TLE3: variants seen among roughly 807,000 people sequenced by gnomAD.
TLE3 encodes transducin-like enhancer protein 3.
A neutral mutation model predicts 93.0 loss-of-function variants in TLE3; 14 were observed. That is an observed-to-expected ratio of 0.15 (90% CI 0.10 to 0.24). The LOEUF is 0.24. Among genes scored for constraint, TLE3 ranks in the 10% least tolerant of loss-of-function variants. TLE3 has a pLI of 1.00. For missense variants in TLE3, 693 were observed against 1,046.6 expected, an observed-to-expected ratio of 0.66 and a Z score of 4.66; for synonymous variants, 451 against 425.0, an observed-to-expected ratio of 1.06 and a Z score of -0.75.
chr15:70,069,954 G>C (rs1447623123), intron 6 of TLE3, among the ~76,000 whole-genome samples: 1 of 152,266 alleles, frequency 6.6e-6, no homozygotes, highest in Non-Finnish European at 1.5e-5. Context: ...ATGTCTGAGT[G>C]GGAGGCTGAT....
rs75932149 is a variant in TLE3, at chr15:70,096,036, G to A, written c.125+125C>T. 4,791 of 1,113,048 alleles carry A rather than the reference G, an allele frequency of 4.3e-3. 165 individuals carry two copies. In the African/African-American group the frequency reaches 0.067, roughly 15 times the overall value. 68.9% of individuals were successfully genotyped at this position (1,113,048 alleles called of 1,614,324 possible). A position where few individuals can be genotyped will look rare whatever the true frequency, so the allele number is the denominator to read the frequency against. On this transcript the variant is annotated intron_variant, in intron 2 of 19. Coordinates refer to ENST00000451782, the MANE Select transcript of TLE3 (RefSeq NM_001105192.3). ...CGCTCGGAAAGGGGAAACAAAAGGC[G>A]GAGGCCCGGGCTGCCCCGCCGCCCC... is the stretch of plus-strand genomic sequence containing the variant.
chr15:70,067,605 G>A (rs563507053), intron 6 of TLE3, among the ~76,000 whole-genome samples: 74 of 152,292 alleles, frequency 4.9e-4, no homozygotes, highest in Middle Eastern at 3.4e-3. Context: ...AAGGGAGCTC[G>A]CCTGTCAATA....
At chr15:70,081,733 T>C (rs1327334552) in intron 4 of TLE3, among the ~76,000 whole-genome samples, 1 of 152,238 alleles carries the variant, frequency 6.6e-6, no homozygotes, top group Non-Finnish European at 1.5e-5. Context: ...CAGGGCAGTG[T>C]CATGCAAAGA....
At position 70,054,457 on chromosome 15, in the gene TLE3, G is replaced by T; in HGVS notation, c.1807C>A (p.His603Asn). ...SDGNIAVWDLHNQTLVRQFQG... is the reference protein window; with the variant it reads ...SDGNIAVWDLNNQTLVRQFQG... ...GCTCACCTGACCAGGGTCTGGTTGT[G>T]CAGGTCCCAGACAGCAATGTTCCCA... Residue 603 changes from histidine (H) to asparagine (N), a missense_variant, in exon 16 of 20, where the codon CAC becomes AAC. By Grantham distance (68) the His-to-Asn change is moderately conservative. Coordinates refer to ENST00000451782, the MANE Select transcript of TLE3 (RefSeq NM_001105192.3). The T allele has an allele frequency of 6.2e-7, 1 of 1,613,838 alleles. No individual in the cohort carries two copies.
intron 3 of TLE3, chr15:70,095,328 G>GA (rs1279846584): frequency 2.0e-5 from 28 of 1,408,804 alleles, no homozygotes; most frequent in Non-Finnish European, 2.5e-5. Flanking sequence ...GGCACATAAA[G>GA]ATAGTACAGA....
At chr15:70,069,905 G>A (rs539924805) in intron 6 of TLE3, among the ~76,000 whole-genome samples, 21 of 152,386 alleles carry the variant, frequency 1.4e-4, no homozygotes, top group African/African-American at 4.8e-4. Flanking sequence ...CCTGCAACAC[G>A]TCTGCTGGCT....
intron 1 of TLE3, 96 bp downstream of exon 1, chr15:70,096,679 T>A: frequency 6.4e-7 from 1 of 1,564,240 alleles, no homozygotes; most frequent in Non-Finnish European, 8.7e-7. Flanking sequence ...ACACACACCA[T>A]AAAGGTAGCA....
chr15:70,079,259 G>C (rs1016789080), intron 4 of TLE3: 6 of 415,770 alleles, frequency 1.4e-5, no homozygotes, highest in African/African-American at 1.3e-4. Context: ...CAAGCCTGGG[G>C]TAGTGGCATT....
At chr15:70,054,959 G>A (rs1412514550) in intron 15 of TLE3, 90 bp downstream of exon 15, 2 of 1,480,514 alleles carry the variant, frequency 1.4e-6, no homozygotes. Context: ...ATACGATGCT[G>A]AGCCAGGCCC....
At chr15:70,076,578 T>C (rs2057456596) in intron 4 of TLE3, among the ~76,000 whole-genome samples, 1 of 152,150 alleles carries the variant, frequency 6.6e-6, no homozygotes, top group Non-Finnish European at 1.5e-5. Context: ...CAATAGGACA[T>C]GAGCTCTCAG....
intron 4 of TLE3, among the ~76,000 whole-genome samples, chr15:70,083,901 T>C (rs1473345558): frequency 6.6e-6 from 1 of 152,126 alleles, no homozygotes; most frequent in Non-Finnish European, 1.5e-5. Context: ...TCTATCTACC[T>C]ACCATCTTAT....
rs553513242 is a variant in TLE3, at chr15:70,079,977, T to A, written c.235-3819A>T. Among the ~76,000 whole-genome samples the A allele has an allele frequency of 2.0e-5, 3 of 150,918 alleles. No homozygotes were observed. The East Asian group carries it at 5.9e-4, about 30-fold the overall frequency. On this transcript the variant is annotated intron_variant, in intron 4 of 19. Coordinates refer to ENST00000451782, the MANE Select transcript of TLE3 (RefSeq NM_001105192.3). ...AAAGAAAAACCACCATTAAGGTTAA[T>A]AATTGACAGCACTTCTGATTAGAAC...
chr15:70,096,087 G>C (rs1258036511), intron 2 of TLE3, 74 bp downstream of exon 2: 4 of 1,477,742 alleles, frequency 2.7e-6, no homozygotes, highest in Non-Finnish European at 3.6e-6. Context: ...CTCCGTCCCC[G>C]CGGGGGATGG....
At position 70,050,038 on chromosome 15, in the gene TLE3, T is replaced by C; in HGVS notation, c.*59A>G. On this transcript the variant is annotated 3_prime_UTR_variant, in exon 20 of 20. Coordinates refer to ENST00000451782, the MANE Select transcript of TLE3 (RefSeq NM_001105192.3). ...CCTCGGGGCCCCTCGCCTGGGGGTC[T>C]CCCTGTCAGAGCCGAGTCGGTTTCT... The C allele has an allele frequency of 6.7e-7, 1 of 1,489,752 alleles. No homozygotes were observed. Among genetic ancestry groups the C allele is most frequent in the Non-Finnish European group, 9.4e-7 (1 of 1,068,884 alleles). 92.3% of individuals were successfully genotyped at this position (1,489,752 alleles called of 1,614,324 possible).
chr15:70,084,716 C>T (rs899162431), intron 4 of TLE3, among the ~76,000 whole-genome samples: 3 of 150,708 alleles, frequency 2.0e-5, no homozygotes, highest in East Asian at 2.0e-4. Context: ...CTATCTGATG[C>T]GTGGCGCCCA....
chr15:70,084,828 G>A (rs2057967463), intron 4 of TLE3, among the ~76,000 whole-genome samples: 1 of 152,198 alleles, frequency 6.6e-6, no homozygotes, highest in East Asian at 1.9e-4. Context: ...TGTCCTCTAT[G>A]TCTGAGGCCT....
rs138064829 is a variant in TLE3, at chr15:70,079,853, G to A, written c.235-3695C>T. ...TTGTCAACATCTCCACTTTTCAGAT[G>A]GGGAAACTGATGCCCAGCCATTAAG... On this transcript the variant is annotated intron_variant, in intron 4 of 19. Coordinates refer to ENST00000451782, the MANE Select transcript of TLE3 (RefSeq NM_001105192.3). 2.0e-4 allele frequency among the ~76,000 whole-genome samples: 30 copies of A among 152,030 alleles called. No homozygotes were observed. The East Asian group carries it at 5.3e-3, about 27-fold the overall frequency.
chr15:70,055,256 G>C lies in TLE3; in HGVS notation c.1371C>G (p.Pro457=), dbSNP rs200517303. Residue 457 remains proline, a synonymous_variant, in exon 15 of 20, where the codon CCC becomes CCG. Coordinates refer to ENST00000451782, the MANE Select transcript of TLE3 (RefSeq NM_001105192.3). ...CCAGGGCGTCGTGGGGGAAGGGCAC[G>C]GGCTGCATCTGCCCATCAGCACTCA... ...FHVSADGQMQ[P]VPFPHDALAG... The C allele has an allele frequency of 1.2e-6, 2 of 1,606,924 alleles. No homozygotes were observed. Among genetic ancestry groups the C allele is most frequent in the Non-Finnish European group, 1.7e-6 (2 of 1,176,964 alleles).
intron 8 of TLE3, among the ~76,000 whole-genome samples, chr15:70,062,427 G>GT (rs2056551485): frequency 6.6e-6 from 1 of 152,212 alleles, no homozygotes; most frequent in African/African-American, 2.4e-5. Context: ...TCGCGACCCG[G>GT]TGCTCGGCTC....
Sources: allele counts gnomAD v4.1 joint callset (sites outside exome capture counted in the v4.1 genomes callset), GRCh38; gene constraint gnomAD v4.1.1; transcripts MANE v1.5; gene names NCBI Gene and HGNC (gene_info 2026-07-23, HGNC 2026-07-21).